The following STARD7 variants were observed in gnomAD, a reference collection of about 807,000 sequenced individuals.
STARD7 encodes stAR-related lipid transfer protein 7, mitochondrial.
A neutral mutation model predicts 45.3 loss-of-function variants in STARD7; 30 were observed. The observed-to-expected ratio is 0.66, with a 90% CI of 0.50 to 0.90. The LOEUF (loss-of-function observed/expected upper bound fraction) is 0.90. Ranked by LOEUF, STARD7 falls within the 40% of genes least tolerant of loss-of-function variation. The pLI, the probability that STARD7 is intolerant of heterozygous loss-of-function variation, is 0.00. For missense variants in STARD7, 495 were observed against 491.3 expected (o/e 1.01, Z -0.07); for synonymous variants, 199 against 183.0 (o/e 1.09, Z -0.70).
intron 3 of STARD7, 34 bp from the exon 4 acceptor site, chr2:96,193,386 AAG>A (rs778962116): frequency 7.0e-7 from 1 of 1,419,320 alleles, no homozygotes; most frequent in Admixed American, 1.7e-5. Flanking sequence ...AATACCCAAG[AAG>A]ACCCAAAACA....
At chr2:96,196,113 CAAAAAAA>C (rs113641896) in intron 1 of STARD7, among the ~76,000 whole-genome samples, 1 of 83,390 alleles carries the variant, frequency 1.2e-5, no homozygotes, top group Admixed American at 1.2e-4. Context: ...ACTCTTGTCT[CAAAAAAA>C]AAAAAAAAAC....
intron 6 of STARD7, chr2:96,188,039 C>A (rs1683064457): frequency 6.6e-6 from 1 of 151,356 alleles, no homozygotes; most frequent in African/African-American, 2.4e-5. Flanking sequence ...ACTTTGGGAG[C>A]CCAAGGCAGG....
At chr2:96,189,762 A>C (rs1371824708) in intron 6 of STARD7, among the ~76,000 whole-genome samples, 1 of 152,158 alleles carries the variant, frequency 6.6e-6, no homozygotes, top group African/African-American at 2.4e-5. Flanking sequence ...CCTGAAGACA[A>C]AAAGACCACA....
intron 1 of STARD7, among the ~76,000 whole-genome samples, chr2:96,196,521 C>T (rs1288915323): frequency 6.6e-6 from 1 of 152,056 alleles, no homozygotes; most frequent in Non-Finnish European, 1.5e-5. Flanking sequence ...GAATAGAGTG[C>T]CATGATCTGG....
At position 96,208,332 on chromosome 2, in the gene STARD7, C is replaced by G. The variant is rs776148826; in HGVS notation, c.103G>C (p.Val35Leu). Residue 35 changes from valine (V) to leucine (L), a missense_variant, in exon 1 of 8, where the codon GTG becomes CTG. This residue lies in a region of STARD7 where 282 missense variants were observed against 220.1 expected (regional missense o/e 1.28). Coordinates refer to ENST00000337288, the MANE Select transcript of STARD7 (RefSeq NM_020151.4). ...TGCGCGATCTGCTGCGCGCGCCGCACGCGCAGGCCCGTGACGAAGCGGCAC... is the reference window on the plus strand; with the variant it reads ...TGCGCGATCTGCTGCGCGCGCCGCAGGCGCAGGCCCGTGACGAAGCGGCAC... ...NQCRFVTGLR[V>L]RRAQQIAQLY... 4 of 1,602,270 alleles carry G rather than the reference C, an allele frequency of 2.5e-6. No individual in the cohort carries two copies. The highest frequency in any genetic ancestry group is 2.5e-6 in the Non-Finnish European group (3 of 1,177,312).
In STARD7 at chr2:96,186,754, G is replaced by A. The variant is rs773426664; in HGVS notation, c.1089C>T (p.Gly363=). The change falls in exon 8 of 8, where the codon GGC becomes GGT. Residue 363 remains glycine, a synonymous_variant. Transcript: ENST00000337288. ...SSERKNEGSC[G]PARIEYA The stretch of plus-strand genomic sequence containing the variant: ...GTCAAGCATACTCAATCCGAGCAGG[G>A]CCACAGCTGCCCTCGTTCTTTCGCT... 23 of 1,612,632 alleles carry A rather than the reference G, an allele frequency of 1.4e-5. No homozygotes were observed. In the South Asian group the frequency reaches 2.3e-4, roughly 16 times the overall value.
chr2:96,201,409 T>TAAAAAAAAAAAAAAAAAAAAAAAAAAAA (rs60808208), intron 1 of STARD7, among the ~76,000 whole-genome samples: 1 of 109,594 alleles, frequency 9.1e-6, no homozygotes, highest in African/African-American at 3.6e-5. Context: ...ACTCCACCTC[T>TAAAAAAAAAAAAAAAAAAAAAAAAAAAA]AAAAAAAAAA....
intron 1 of STARD7, among the ~76,000 whole-genome samples, 159 bp downstream of exon 1, chr2:96,207,986 G>C (rs997879920): frequency 5.3e-5 from 8 of 152,308 alleles, no homozygotes; most frequent in Non-Finnish European, 8.8e-5. Flanking sequence ...TTGACACACA[G>C]AGACAAATAA....
At chr2:96,205,140 C>T (rs1267557657) in intron 1 of STARD7, among the ~76,000 whole-genome samples, 2 of 152,156 alleles carry the variant, frequency 1.3e-5, no homozygotes, top group African/African-American at 4.8e-5. Flanking sequence ...AAGATATTTT[C>T]GTTGTTTAAT....
At position 96,208,793 on chromosome 2, in the gene STARD7, A is replaced by G. The variant is rs1683456833; in HGVS notation, c.-359T>C. 2 of 403,162 alleles carry G rather than the reference A, an allele frequency of 5.0e-6. No individual in the cohort carries two copies. The highest frequency in any genetic ancestry group is 8.8e-6 in the Non-Finnish European group (2 of 227,322). The allele number at this position is 403,162 out of a possible 1,614,324, so 25.0% of individuals were successfully genotyped here. ...ACGAGACAGACAGCTCAGGCCCAGCAGCACGCAAGCTCCCGCGCCTTCCGC... is the reference window on the plus strand; with the variant it reads ...ACGAGACAGACAGCTCAGGCCCAGCGGCACGCAAGCTCCCGCGCCTTCCGC... On this transcript the variant is annotated 5_prime_UTR_variant, in exon 1 of 8. Coordinates refer to ENST00000337288, the MANE Select transcript of STARD7 (RefSeq NM_020151.4).
intron 1 of STARD7, among the ~76,000 whole-genome samples, chr2:96,201,853 G>A (rs1683310132): frequency 6.6e-6 from 1 of 152,180 alleles, no homozygotes; most frequent in Non-Finnish European, 1.5e-5. Context: ...CAAAGGTATA[G>A]TGTCAATCCA....
At position 96,208,802 on chromosome 2, in the gene STARD7, G is replaced by GCTCCCGCGC. The variant is rs1337527732; in HGVS notation, c.-377_-369dup. The GCTCCCGCGC allele has an allele frequency of 2.5e-6, 1 of 402,296 alleles. No homozygotes were observed. Among genetic ancestry groups the GCTCCCGCGC allele is most frequent in the African/African-American group, 2.1e-5 (1 of 48,704 alleles). The allele number at this position is 402,296 out of a possible 1,614,324, so 24.9% of individuals were successfully genotyped here. A position where few individuals can be genotyped will look rare whatever the true frequency, so the allele number is the denominator to read the frequency against. ...ACAGCTCAGGCCCAGCAGCACGCAA[G>GCTCCCGCGC]CTCCCGCGCCTTCCGCGACTGCCAC... On this transcript the variant is annotated 5_prime_UTR_variant, in exon 1 of 8. Coordinates refer to ENST00000337288, the MANE Select transcript of STARD7 (RefSeq NM_020151.4).
intron 6 of STARD7, 93 bp downstream of exon 6, chr2:96,192,276 C>A (rs1336072052): frequency 2.0e-6 from 2 of 1,018,994 alleles, no homozygotes; most frequent in Admixed American, 1.7e-5. Flanking sequence ...ACTGTTCCTG[C>A]GCCACACCCC....
In STARD7 at chr2:96,187,167, A is replaced by C; in HGVS notation, c.928+50T>G. ...TTTCCCCATTAGGAAATAGAGAAAAACAAAATGCTCAACCCAGGTTCCAGG... is the reference window on the plus strand; with the variant it reads ...TTTCCCCATTAGGAAATAGAGAAAACCAAAATGCTCAACCCAGGTTCCAGG... On this transcript the variant is annotated intron_variant, in intron 7 of 7. Coordinates refer to ENST00000337288, the MANE Select transcript of STARD7 (RefSeq NM_020151.4). 3.6e-6 allele frequency: 5 copies of C among 1,403,110 alleles called. No homozygotes were observed. In the South Asian group the frequency reaches 6.2e-5, roughly 17 times the overall value. 86.9% of individuals were successfully genotyped at this position (1,403,110 alleles called of 1,614,324 possible).
intron 1 of STARD7, among the ~76,000 whole-genome samples, chr2:96,199,366 T>C (rs1338196023): frequency 6.6e-6 from 1 of 152,256 alleles, no homozygotes; most frequent in Non-Finnish European, 1.5e-5. Flanking sequence ...TGTTTTGTTG[T>C]TTTTAGTGTT....
intron 6 of STARD7, among the ~76,000 whole-genome samples, chr2:96,189,762 A>G (rs1371824708): frequency 6.6e-6 from 1 of 152,158 alleles, no homozygotes; most frequent in South Asian, 2.1e-4. Flanking sequence ...CCTGAAGACA[A>G]AAAGACCACA....
Position 96,208,486 on chromosome 2 carries a change from C to A in STARD7, c.-52G>T. The A allele has an allele frequency of 7.5e-7, 1 of 1,333,042 alleles. No individual in the cohort carries two copies. The highest frequency in any genetic ancestry group is 9.6e-7 in the Non-Finnish European group (1 of 1,045,756). 82.6% of individuals were successfully genotyped at this position (1,333,042 alleles called of 1,614,324 possible). ...GCTTCCGGGGCCCAAGGAACCAGTC[C>A]GGAGGGGCGCAGGCGGTGGTCGCAG... On this transcript the variant is annotated 5_prime_UTR_variant, in exon 1 of 8. Transcript: ENST00000337288.
chr2:96,197,203 G>A (rs187788256), intron 1 of STARD7, among the ~76,000 whole-genome samples: 58 of 151,862 alleles, frequency 3.8e-4, no homozygotes, highest in Non-Finnish European at 6.5e-4. Flanking sequence ...TCAGGAGTTC[G>A]AGACCGGCCT....
Position 96,187,245 on chromosome 2 carries a change from G to A in STARD7, c.900C>T (p.Arg300=), listed in dbSNP as rs1458841516. ...TGGAAACCATCCAACTAACACAGTA[G>A]CGAGGAAACACCGTTTGGGGATTGT... ...YSDNPQTVFP[R]YCVSWMVSSG... Residue 300 remains arginine, a synonymous_variant, in exon 7 of 8, where the codon CGC becomes CGT. Coordinates refer to ENST00000337288, the MANE Select transcript of STARD7 (RefSeq NM_020151.4). The A allele has an allele frequency of 4.3e-6, 7 of 1,613,684 alleles. No homozygotes were observed. Among genetic ancestry groups the A allele is most frequent in the Non-Finnish European group, 5.9e-6 (7 of 1,179,720 alleles).
Sources: gnomAD v4.1 joint callset for allele counts (sites outside exome capture counted in the v4.1 genomes callset) on GRCh38, gnomAD v4.1.1 for gene constraint, gnomAD v4.1.1 regional missense constraint, MANE v1.5 for transcripts, NCBI Gene and HGNC (gene_info 2026-07-23, HGNC 2026-07-21) for gene names.